TNFSF4: variants seen among roughly 807,000 people sequenced by gnomAD.
TNFSF4 encodes the protein tumor necrosis factor ligand superfamily member 4.
TNFSF4 carries 4 observed loss-of-function variants against 7.3 expected under a neutral mutation model. The ratio of observed to expected loss-of-function variants is 0.55; its 90% CI spans 0.27 to 1.25. TNFSF4 has a LOEUF of 1.25. Ranked by LOEUF, TNFSF4 falls within the 50% of genes most tolerant of loss-of-function variation. The pLI, the probability that TNFSF4 is intolerant of heterozygous loss-of-function variation, is 0.12. For missense variants in TNFSF4, 181 were observed against 208.8 expected, an observed-to-expected ratio of 0.87 and a Z score of 0.82; for synonymous variants, 76 against 83.7, an observed-to-expected ratio of 0.91 and a Z score of 0.50.
the TNFSF4 span, among the ~76,000 whole-genome samples, chr1:173,324,501 T>C: frequency 6.6e-6 from 1 of 152,156 alleles, no homozygotes; most frequent in Non-Finnish European, 1.5e-5. Context: ...AGGATCAAAT[T>C]CACACATAAA....
chr1:173,392,104 G>A, the TNFSF4 span, among the ~76,000 whole-genome samples: 4 of 152,292 alleles, frequency 2.6e-5, no homozygotes, highest in East Asian at 7.7e-4. Flanking sequence ...AGAGTCAGGT[G>A]ACAAATGGAG....
chr1:173,406,816 C>G, the TNFSF4 span, among the ~76,000 whole-genome samples: 1 of 152,110 alleles, frequency 6.6e-6, no homozygotes, highest in Non-Finnish European at 1.5e-5. Flanking sequence ...TAGCTGGGAC[C>G]TGGAGAGAAT....
At chr1:173,419,906 G>A in the TNFSF4 span, among the ~76,000 whole-genome samples, 4 of 147,546 alleles carry the variant, frequency 2.7e-5, no homozygotes, top group East Asian at 2.0e-4. Context: ...TTTGTGTGGC[G>A]GGGGGGGGGA....
the TNFSF4 span, among the ~76,000 whole-genome samples, chr1:173,358,389 G>A: frequency 6.6e-6 from 1 of 152,178 alleles, no homozygotes; most frequent in Admixed American, 6.5e-5. Context: ...ATGGTGCCAT[G>A]AGAATTGCTA....
chr1:173,285,014 T>G, the TNFSF4 span, among the ~76,000 whole-genome samples: 1 of 152,174 alleles, frequency 6.6e-6, no homozygotes, highest in Admixed American at 6.5e-5. Flanking sequence ...AAGTAACAAT[T>G]CCTCTAATGA....
chr1:173,319,356 A>C, the TNFSF4 span, among the ~76,000 whole-genome samples: 1 of 152,256 alleles, frequency 6.6e-6, no homozygotes, highest in East Asian at 1.9e-4. Flanking sequence ...GCTTACAGAT[A>C]AATCTCTCAT....
the TNFSF4 span, among the ~76,000 whole-genome samples, chr1:173,255,244 G>A: frequency 6.6e-6 from 1 of 152,192 alleles, no homozygotes; most frequent in Admixed American, 6.5e-5. Context: ...CTTTACTTAT[G>A]CTTCCTTTTT....
chr1:173,272,111 A>G, the TNFSF4 span, among the ~76,000 whole-genome samples: 1 of 152,122 alleles, frequency 6.6e-6, no homozygotes, highest in South Asian at 2.1e-4. Flanking sequence ...AAAACCAAAC[A>G]CCAAATATTC....
At chr1:173,262,772 T>C in the TNFSF4 span, among the ~76,000 whole-genome samples, 3 of 152,128 alleles carry the variant, frequency 2.0e-5, no homozygotes, top group East Asian at 5.8e-4. Context: ...CTGGCTAATT[T>C]TTTGTATTTT....
the TNFSF4 span, among the ~76,000 whole-genome samples, chr1:173,237,962 C>T: frequency 6.6e-6 from 1 of 152,076 alleles, no homozygotes; most frequent in Non-Finnish European, 1.5e-5. Flanking sequence ...CAATCCTAAA[C>T]AAAAAGAACA....
chr1:173,308,060 T>G, the TNFSF4 span, among the ~76,000 whole-genome samples: 1 of 151,922 alleles, frequency 6.6e-6, no homozygotes, highest in African/African-American at 2.4e-5. Context: ...TTGAATTGGG[T>G]TGTCTGTCTT....
chr1:173,431,676 C>G, the TNFSF4 span, among the ~76,000 whole-genome samples: 2 of 152,256 alleles, frequency 1.3e-5, no homozygotes, highest in African/African-American at 4.8e-5. Flanking sequence ...CATGCACTAC[C>G]TTGCCTGCTG....
chr1:173,225,000 C>T, the TNFSF4 span, among the ~76,000 whole-genome samples: 37 of 152,122 alleles, frequency 2.4e-4, no homozygotes, highest in African/African-American at 8.9e-4. Context: ...TTATTTCTGC[C>T]ACAGTGCTTT....
At chr1:173,292,418 A>T in the TNFSF4 span, among the ~76,000 whole-genome samples, 1 of 152,176 alleles carries the variant, frequency 6.6e-6, no homozygotes, top group Non-Finnish European at 1.5e-5. Context: ...AAAGGCTTTC[A>T]ATAAAATTCA....
the TNFSF4 span, among the ~76,000 whole-genome samples, chr1:173,442,664 C>T: frequency 6.6e-6 from 1 of 150,676 alleles, no homozygotes; most frequent in Non-Finnish European, 1.5e-5. Flanking sequence ...GATTCTCCTG[C>T]CTCAGCCTCC....
chr1:173,312,175 T>C, the TNFSF4 span, among the ~76,000 whole-genome samples: 1 of 152,110 alleles, frequency 6.6e-6, no homozygotes, highest in East Asian at 1.9e-4. Flanking sequence ...ACCATCCCTG[T>C]CTTCAGAAAT....
At position 173,191,458 on chromosome 1, in the gene TNFSF4, C is replaced by T. The variant is rs1454266086; in HGVS notation, c.154-2889G>A. Among the ~76,000 whole-genome samples, 3 of 152,190 alleles carry T rather than the reference C, an allele frequency of 2.0e-5. No individual in the cohort carries two copies. The East Asian group carries it at 5.8e-4, about 29-fold the overall frequency. ...TTGTTGGCCTTCCAACCATCTTCCC[C>T]CTCATCCTCCATACCTGATGACCTC... On this transcript the variant is annotated intron_variant, in intron 1 of 2. Transcript: ENST00000281834.
chr1:173,226,702 C>A, the TNFSF4 span, among the ~76,000 whole-genome samples: 2 of 152,176 alleles, frequency 1.3e-5, no homozygotes, highest in Non-Finnish European at 2.9e-5. Flanking sequence ...GTCATCTAGT[C>A]ATGCTATCAT....
the TNFSF4 span, among the ~76,000 whole-genome samples, chr1:173,222,856 T>C: frequency 6.6e-6 from 1 of 152,140 alleles, no homozygotes; most frequent in East Asian, 1.9e-4. Flanking sequence ...TGGTGAGACA[T>C]GTAGAAATGA....
Sources: allele counts gnomAD v4.1 joint callset (sites outside exome capture counted in the v4.1 genomes callset), GRCh38; gene constraint gnomAD v4.1.1; transcripts MANE v1.5; gene names NCBI Gene and HGNC (gene_info 2026-07-23, HGNC 2026-07-21).